Variants in SH3RF3 observed in about 807,000 individuals in gnomAD.
SH3RF3 encodes SH3 domain containing ring finger 3.
A neutral mutation model predicts 66.3 loss-of-function variants in SH3RF3; 29 were observed. The ratio of observed to expected loss-of-function variants is 0.44; its 90% CI spans 0.33 to 0.60. The LOEUF is 0.60. Among genes scored for constraint, SH3RF3 ranks in the 20% least tolerant of loss-of-function variants. SH3RF3 has a pLI of 0.04. For synonymous variants in SH3RF3, 583 were observed against 532.0 expected (o/e 1.10, Z -1.32); for missense variants, 1,194 against 1,190.9 (o/e 1.00, Z -0.04).
At chr2:109,224,934 A>G (rs1679337077) in intron 1 of SH3RF3, among the ~76,000 whole-genome samples, 1 of 152,186 alleles carries the variant, frequency 6.6e-6, no homozygotes, top group Non-Finnish European at 1.5e-5. Context: ...TGGCTACTCT[A>G]ATGGACAGCT....
At chr2:109,224,910 T>G (rs1158480139) in intron 1 of SH3RF3, among the ~76,000 whole-genome samples, 2 of 152,174 alleles carry the variant, frequency 1.3e-5, no homozygotes, top group Admixed American at 6.5e-5. Flanking sequence ...ATTTAAATAA[T>G]TACCTGTGGC....
chr2:109,151,352 A>G (rs971112981), intron 1 of SH3RF3, among the ~76,000 whole-genome samples: 4 of 152,208 alleles, frequency 2.6e-5, no homozygotes, highest in African/African-American at 7.2e-5. Context: ...AACATTCATG[A>G]AAAGCTAATG....
intron 7 of SH3RF3, among the ~76,000 whole-genome samples, chr2:109,442,547 CA>C (rs898055123): frequency 3.3e-5 from 5 of 151,932 alleles, no homozygotes; most frequent in African/African-American, 1.2e-4. Flanking sequence ...ATTTAAAACT[CA>C]AAAGCAAAAT....
chr2:109,289,060 T>C (rs928993865), intron 1 of SH3RF3, among the ~76,000 whole-genome samples: 1 of 152,182 alleles, frequency 6.6e-6, no homozygotes, highest in Non-Finnish European at 1.5e-5. Flanking sequence ...GTTCCTGGAA[T>C]AGGTGCTAAA....
intron 1 of SH3RF3, among the ~76,000 whole-genome samples, chr2:109,248,887 T>TTCCTGTCCTG (rs149003864): frequency 1.2e-4 from 18 of 145,852 alleles, no homozygotes; most frequent in Admixed American, 4.8e-4. Flanking sequence ...TTCCTGTCCT[T>TTCCTGTCCTG]TCCTGTCCTG....
At chr2:109,314,739 C>G (rs1681831414) in intron 1 of SH3RF3, among the ~76,000 whole-genome samples, 1 of 152,162 alleles carries the variant, frequency 6.6e-6, no homozygotes, top group African/African-American at 2.4e-5. Flanking sequence ...TATCCACCAG[C>G]CAATTTCTTA....
At chr2:109,196,449 C>G in intron 1 of SH3RF3, among the ~76,000 whole-genome samples, 1 of 152,200 alleles carries the variant, frequency 6.6e-6, no homozygotes, top group Admixed American at 6.5e-5. Flanking sequence ...TTCCTCCATC[C>G]TGGGCAGCCC....
Position 109,371,594 on chromosome 2 carries a change from T to C in SH3RF3, c.858T>C (p.Ile286=). The C allele has an allele frequency of 6.2e-7, 1 of 1,613,964 alleles. No individual in the cohort carries two copies. The highest frequency in any genetic ancestry group is 8.5e-7 in the Non-Finnish European group (1 of 1,179,886). Residue 286 remains isoleucine (I), a synonymous_variant, in exon 3 of 10, where the codon ATT becomes ATC. Transcript: ENST00000309415. ...TGGACCCGGAACTGCAGGACGAGAT[T>C]CTGACGGTGCTCAGGAGAGTGGATG... The part of the protein sequence containing the change: ...KDCLTFTKDE[I]LTVLRRVDEN...
At chr2:109,135,217 A>G (rs1217524924) in intron 1 of SH3RF3, among the ~76,000 whole-genome samples, 1 of 151,864 alleles carries the variant, frequency 6.6e-6, no homozygotes, top group African/African-American at 2.4e-5. Flanking sequence ...TTCTTGTTAC[A>G]CCCCTGGGGA....
intron 1 of SH3RF3, among the ~76,000 whole-genome samples, chr2:109,216,821 G>A (rs570565941): frequency 1.3e-5 from 2 of 152,220 alleles, no homozygotes; most frequent in Non-Finnish European, 2.9e-5. Context: ...TTAGCCATTT[G>A]TAAGCAAACA....
At chr2:109,143,392 T>C (rs543613644) in intron 1 of SH3RF3, among the ~76,000 whole-genome samples, 69 of 152,266 alleles carry the variant, frequency 4.5e-4, no homozygotes, top group African/African-American at 1.6e-3. Flanking sequence ...TTCAGCATTA[T>C]TCACAGGGCC....
intron 3 of SH3RF3, among the ~76,000 whole-genome samples, chr2:109,384,216 C>T (rs1675765918): frequency 6.6e-6 from 1 of 152,168 alleles, no homozygotes; most frequent in South Asian, 2.1e-4. Flanking sequence ...CCCGGGGATG[C>T]AGCCTGAATG....
intron 3 of SH3RF3, among the ~76,000 whole-genome samples, chr2:109,391,366 G>A (rs1471273579): frequency 1.3e-5 from 2 of 152,222 alleles, no homozygotes; most frequent in African/African-American, 4.8e-5. Flanking sequence ...GATGGGAAAG[G>A]CACATCTGCC....
chr2:109,419,472 T>G, intron 4 of SH3RF3, 67 bp from the exon 5 acceptor site: 1 of 1,490,094 alleles, frequency 6.7e-7, no homozygotes, highest in South Asian at 1.2e-5. Context: ...AGCCTCATTT[T>G]GCTTTTCTCT....
intron 1 of SH3RF3, among the ~76,000 whole-genome samples, chr2:109,281,961 G>C (rs945359633): frequency 1.3e-4 from 20 of 152,108 alleles, no homozygotes; most frequent in African/African-American, 4.8e-4. Context: ...TAGAGCAGAA[G>C]CCCAATGGCC....
chr2:109,432,429 C>A (rs984681009), intron 5 of SH3RF3, 72 bp from the exon 6 acceptor site: 1 of 1,572,678 alleles, frequency 6.4e-7, no homozygotes, highest in Non-Finnish European at 8.6e-7. Context: ...ACAACCTCCC[C>A]CCAGGAATGC....
intron 1 of SH3RF3, among the ~76,000 whole-genome samples, chr2:109,318,366 G>T (rs574926670): frequency 6.6e-6 from 1 of 152,054 alleles, no homozygotes; most frequent in African/African-American, 2.4e-5. Context: ...CTGCCCACTC[G>T]CTGCACAGAC....
rs543147617 is a variant in SH3RF3 at position 109,146,616 on chromosome 2, G to A, written c.573+16503G>A. ...TCAGGCCCAGCCCTTCCTCCACCAT[G>A]GGTCTGCACCATGGGTGGCTGACTG... On this transcript the variant is annotated intron_variant, in intron 1 of 9. Transcript: ENST00000309415. Among the ~76,000 whole-genome samples the A allele has an allele frequency of 3.3e-5, 5 of 152,240 alleles. No individual in the cohort carries two copies. In the South Asian group the frequency reaches 8.3e-4, roughly 25 times the overall value.
chr2:109,387,798 C>T (rs1249487255), intron 3 of SH3RF3, among the ~76,000 whole-genome samples: 1 of 152,200 alleles, frequency 6.6e-6, no homozygotes, highest in Non-Finnish European at 1.5e-5. Context: ...AGCAGAGCCC[C>T]TGGCCTGCAG....
Sources: allele counts gnomAD v4.1 joint callset (sites outside exome capture counted in the v4.1 genomes callset), GRCh38; gene constraint gnomAD v4.1.1; transcripts MANE v1.5; gene names NCBI Gene and HGNC (gene_info 2026-07-23, HGNC 2026-07-21).